The following EDA variants were observed in gnomAD, a reference collection of about 807,000 sequenced individuals.
The protein encoded by EDA is ectodysplasin-A.
A neutral mutation model predicts 23.6 loss-of-function variants in EDA; 2 were observed. The ratio of observed to expected loss-of-function variants is 0.08; its 90% CI spans 0.03 to 0.27. The LOEUF is 0.27. EDA is among the 10% of genes least tolerant of loss of function. The probability of loss-of-function intolerance (pLI) is 1.00; values close to 1 mark genes in which losing one functional copy is unlikely to be tolerated. For missense variants in EDA, 229 were observed against 324.2 expected (o/e 0.71, Z 2.26); for synonymous variants, 131 against 132.0 (o/e 0.99, Z 0.05).
intron 1 of EDA, among the ~76,000 whole-genome samples, chrX:69,707,036 AC>A (rs1407388142): frequency 9.0e-6 from 1 of 111,483 alleles, no homozygotes; most frequent in African/African-American, 3.3e-5. Context: ...AAGATAAAGA[AC>A]AGTCAGAATC....
At chrX:69,943,183 T>C (rs1369503778) in intron 1 of EDA, among the ~76,000 whole-genome samples, 4 of 111,806 alleles carry the variant, frequency 3.6e-5, no homozygotes, top group African/African-American at 9.8e-5. Flanking sequence ...TTCTCCAGGA[T>C]TGGTCACCAA....
chrX:69,922,441 T>G (rs1408452199), intron 1 of EDA, among the ~76,000 whole-genome samples: 1 of 112,271 alleles, frequency 8.9e-6, no homozygotes, highest in Non-Finnish European at 1.9e-5. Context: ...AGGGTTCCTG[T>G]TACTATGCTT....
chrX:69,683,746 G>A (rs1261751355), intron 1 of EDA, among the ~76,000 whole-genome samples: 1 of 111,707 alleles, frequency 9.0e-6, no homozygotes, highest in Non-Finnish European at 1.9e-5. Flanking sequence ...AACTGAATCT[G>A]TTTTACTATT....
At chrX:69,653,988 G>T (rs1293115096) in intron 1 of EDA, among the ~76,000 whole-genome samples, 1 of 111,415 alleles carries the variant, frequency 9.0e-6, no homozygotes, top group Non-Finnish European at 1.9e-5. Flanking sequence ...CACAGCAAAA[G>T]AAACTACCAT....
rs779810531 is a variant in EDA, at chrX:69,716,516, A to T, written c.396+99812A>T. Among the ~76,000 whole-genome samples the T allele has an allele frequency of 2.7e-3, 261 of 96,824 alleles. 1 individual carries two copies. Among genetic ancestry groups the T allele is most frequent in the African/African-American group, 8.7e-3 (234 of 27,033 alleles). 84.1% of individuals were successfully genotyped at this position (96,824 alleles called of 115,157 possible). On this transcript the variant is annotated intron_variant, in intron 1 of 7. Transcript: ENST00000374552. The stretch of plus-strand genomic sequence containing the variant: ...TCAGGTAATATGATGCCTTCAGCTT[A>T]TTTTTTTTTTTTCCTTAGGATTGCC...
At position 69,785,545 on chromosome X, in the gene EDA, A is replaced by G. The variant is rs1241931040; in HGVS notation, c.396+168841A>G. Among the ~76,000 whole-genome samples the G allele has an allele frequency of 2.0e-4, 22 of 110,509 alleles. No homozygotes were observed. In the East Asian group the frequency reaches 4.2e-3, roughly 21 times the overall value. On this transcript the variant is annotated intron_variant, in intron 1 of 7. Coordinates refer to ENST00000374552, the MANE Select transcript of EDA (RefSeq NM_001399.5). ...CAAAGGCCTTTTCTGCATCTATTGA[A>G]ATAATCATGTGGTTTTTGTCTTTGG... is the stretch of plus-strand genomic sequence containing the variant.
chrX:69,856,734 G>A (rs1222516847), intron 1 of EDA, among the ~76,000 whole-genome samples: 2 of 108,569 alleles, frequency 1.8e-5, no homozygotes, highest in Admixed American at 9.8e-5. Flanking sequence ...GGAGGGGGCT[G>A]ATTTGTTTGA....
intron 1 of EDA, among the ~76,000 whole-genome samples, chrX:69,632,248 A>G (rs1348555418): frequency 9.0e-6 from 1 of 111,672 alleles, no homozygotes; most frequent in African/African-American, 3.3e-5. Flanking sequence ...TGTATGGTCA[A>G]CCAACCTACA....
intron 1 of EDA, among the ~76,000 whole-genome samples, chrX:69,823,023 A>C (rs1322335426): frequency 1.0e-5 from 1 of 99,842 alleles, no homozygotes; most frequent in Non-Finnish European, 2.0e-5. Flanking sequence ...AAAGGACATG[A>C]ACTCATCATT....
At chrX:69,777,144 T>TTGTTGTTGTTG (rs374930096) in intron 1 of EDA, among the ~76,000 whole-genome samples, 12,474 of 106,747 alleles carry the variant, frequency 0.12, 690 homozygotes, top group Middle Eastern at 0.24. Context: ...GATTCTGGGT[T>TTGTTGTTGTTG]TTGTTGTTGT....
At chrX:69,775,117 T>A (rs1193496305) in intron 1 of EDA, among the ~76,000 whole-genome samples, 1 of 112,071 alleles carries the variant, frequency 8.9e-6, no homozygotes, top group Non-Finnish European at 1.9e-5. Flanking sequence ...AAGTATTCCT[T>A]CTTTTTTTAT....
intron 1 of EDA, among the ~76,000 whole-genome samples, chrX:69,676,135 T>C (rs1934071270): frequency 9.0e-6 from 1 of 111,391 alleles, no homozygotes; most frequent in Admixed American, 9.6e-5. Flanking sequence ...TAGGGCTTTG[T>C]AGGTCATTGT....
chrX:70,014,120 G>C (rs2019913548), intron 2 of EDA, among the ~76,000 whole-genome samples: 4 of 112,212 alleles, frequency 3.6e-5, no homozygotes, highest in African/African-American at 1.3e-4. Flanking sequence ...CAGCCCAGGA[G>C]TGCCAAGTGG....
Position 70,035,532 on chromosome X carries a change from G to A in EDA, c.1099G>A (p.Ala367Thr), listed in dbSNP as rs368531049. 16 of 1,205,506 alleles carry A rather than the reference G, an allele frequency of 1.3e-5. No individual in the cohort carries two copies. Among genetic ancestry groups the A allele is most frequent in the Admixed American group, 1.1e-4 (5 of 44,975 alleles). Residue 367 changes from alanine (A) to threonine (T), a missense_variant, in exon 8 of 8, where the codon GCT becomes ACT. Ala to Thr is a moderately conservative substitution (Grantham distance 58). Coordinates refer to ENST00000374552, the MANE Select transcript of EDA (RefSeq NM_001399.5). ...GAAGATCGCCGTCAAGATGGTGCAC[G>A]CTGACATCTCCATCAACATGAGCAA... Reference protein sequence around the residue: ...RQKIAVKMVHADISINMSKHT... With the variant: ...RQKIAVKMVHTDISINMSKHT...
chrX:69,924,347 G>C (rs1291102876), intron 1 of EDA, among the ~76,000 whole-genome samples: 3 of 111,380 alleles, frequency 2.7e-5, no homozygotes, highest in African/African-American at 9.8e-5. Context: ...TTTGTATGTG[G>C]TGTAGGGAAG....
At chrX:69,622,939 A>G (rs1421024720) in intron 1 of EDA, among the ~76,000 whole-genome samples, 1 of 111,910 alleles carries the variant, frequency 8.9e-6, no homozygotes, top group Non-Finnish European at 1.9e-5. Flanking sequence ...AGTACCATTA[A>G]TTATAAGGAC....
At chrX:69,708,697 G>A (rs1272118072) in intron 1 of EDA, among the ~76,000 whole-genome samples, 1 of 111,260 alleles carries the variant, frequency 9.0e-6, no homozygotes, top group Admixed American at 9.6e-5. Flanking sequence ...TATCTGGCTA[G>A]GAAGAAAACA....
chrX:70,013,112 A>G (rs1485950759), intron 2 of EDA, among the ~76,000 whole-genome samples: 2 of 112,431 alleles, frequency 1.8e-5, no homozygotes, highest in Non-Finnish European at 3.8e-5. Context: ...GGCCCCCAGC[A>G]CAACCACCCT....
chrX:69,681,937 C>T (rs1160262258), intron 1 of EDA, among the ~76,000 whole-genome samples: 2 of 110,227 alleles, frequency 1.8e-5, no homozygotes, highest in African/African-American at 3.3e-5. Flanking sequence ...TCTGTTTTTT[C>T]CCCATCTTTG....
Sources: allele counts gnomAD v4.1 joint callset (sites outside exome capture counted in the v4.1 genomes callset), GRCh38; gene constraint gnomAD v4.1.1; transcripts MANE v1.5; gene names NCBI Gene and HGNC (gene_info 2026-07-23, HGNC 2026-07-21).